IQGAP3: variants seen among roughly 807,000 people sequenced by gnomAD.
The protein encoded by IQGAP3 is ras GTPase-activating-like protein IQGAP3.
IQGAP3 carries 165 observed loss-of-function variants against 208.2 expected under a neutral mutation model. The ratio of observed to expected loss-of-function variants is 0.79; its 90% CI spans 0.70 to 0.90. The LOEUF (loss-of-function observed/expected upper bound fraction) is 0.90, where lower values mean the gene tolerates loss of function less well. Among genes scored for constraint, IQGAP3 ranks in the 40% least tolerant of loss-of-function variants. The pLI is 0.00. For missense variants in IQGAP3, 1,811 were observed against 2,043.1 expected, an observed-to-expected ratio of 0.89 and a Z score of 2.19; for synonymous variants, 703 against 803.6, an observed-to-expected ratio of 0.87 and a Z score of 2.12.
intron 17 of IQGAP3, 29 bp downstream of exon 17, chr1:156,548,552 G>A (rs752555002): frequency 2.8e-5 from 45 of 1,598,228 alleles, no homozygotes; most frequent in Non-Finnish European, 3.4e-5. Context: ...GGCAGGCAGC[G>A]AAGAGGAGGG....
chr1:156,533,324 G>A (rs1674514435), intron 31 of IQGAP3, among the ~76,000 whole-genome samples: 2 of 152,234 alleles, frequency 1.3e-5, no homozygotes, highest in South Asian at 4.2e-4. Flanking sequence ...ATACCCTTGT[G>A]TTACTGGGGC....
intron 11 of IQGAP3, 95 bp downstream of exon 11, chr1:156,560,839 G>A: frequency 1.2e-6 from 1 of 842,782 alleles, no homozygotes; most frequent in Non-Finnish European, 2.0e-6. Context: ...GCAGCAGTGT[G>A]TACTGCCCAA....
In IQGAP3 at chr1:156,555,536, T is replaced by C. The variant is rs931633368; in HGVS notation, c.1290+997A>G. ...CCCCCACACCCAGCCCCCTTCCTAT[T>C]TTCTCCTAACAGAATGTTGTGAATA... On this transcript the variant is annotated intron_variant, in intron 12 of 37. Coordinates refer to ENST00000361170, the MANE Select transcript of IQGAP3 (RefSeq NM_178229.5). Among the ~76,000 whole-genome samples, 3 of 152,266 alleles carry C rather than the reference T, an allele frequency of 2.0e-5. No individual in the cohort carries two copies. In the East Asian group the frequency reaches 5.8e-4, roughly 29 times the overall value.
chr1:156,529,469 C>T (rs1462619235), intron 34 of IQGAP3, among the ~76,000 whole-genome samples: 1 of 152,112 alleles, frequency 6.6e-6, no homozygotes, highest in Non-Finnish European at 1.5e-5. Flanking sequence ...AGAACACCTT[C>T]CTCTCTAACT....
At chr1:156,526,937 A>G (rs1365145938) in intron 37 of IQGAP3, among the ~76,000 whole-genome samples, 1 of 151,678 alleles carries the variant, frequency 6.6e-6, no homozygotes, top group Admixed American at 6.6e-5. Flanking sequence ...GGTTCAAGCG[A>G]TTTTCCTGCT....
rs769667331 is a variant in IQGAP3, at chr1:156,537,244, C to T, written c.3359G>A (p.Arg1120His). Residue 1120 changes from arginine to histidine, a missense_variant, in exon 27 of 38, where the codon CGC becomes CAC. By Grantham distance (29) the Arg-to-His change is conservative. Transcript: ENST00000361170. Reference protein sequence around the residue: ...EVQRRLDIALRNLLAMTDKFL... With the variant: ...EVQRRLDIALHNLLAMTDKFL... ...CTTATCAGTCATGGCGAGGAGGTTG[C>T]GTAGGGCGATGTCCAGTCGTCTCTG... 10 of 1,613,848 alleles carry T rather than the reference C, an allele frequency of 6.2e-6. No homozygotes were observed. The East Asian group carries it at 1.1e-4, about 18-fold the overall frequency.
intron 21 of IQGAP3, 37 bp downstream of exon 21, chr1:156,544,115 T>G (rs768939917): frequency 6.2e-7 from 1 of 1,613,184 alleles, no homozygotes; most frequent in Non-Finnish European, 8.5e-7. Context: ...TGGGCAAAGG[T>G]TGGGTATGTG....
At position 156,572,479 on chromosome 1, in the gene IQGAP3, C is replaced by A. The variant is rs1328940526; in HGVS notation, c.37+14G>T. ...ACCACTGCGAGACCCTTCTCTGACC[C>A]TCTCCGCACTCACAGGCTGCCCAGC... is the stretch of plus-strand genomic sequence containing the variant. On this transcript the variant is annotated intron_variant, in intron 1 of 37. Coordinates refer to ENST00000361170, the MANE Select transcript of IQGAP3 (RefSeq NM_178229.5). 1 of 1,609,612 alleles carries A rather than the reference C, an allele frequency of 6.2e-7. No homozygotes were observed. The highest frequency in any genetic ancestry group is 8.5e-7 in the Non-Finnish European group (1 of 1,179,750).
At chr1:156,533,722 C>T (rs776364880) in intron 31 of IQGAP3, 51 bp downstream of exon 31, 4 of 1,464,252 alleles carry the variant, frequency 2.7e-6, no homozygotes, top group Non-Finnish European at 3.8e-6. Context: ...GCCTGTCCCT[C>T]CCTCCATGCA....
rs1390301793 is a variant in IQGAP3, at chr1:156,547,414, CACACACACACAG to C, written c.2304+647_2304+658del. On this transcript the variant is annotated intron_variant, in intron 19 of 37. Coordinates refer to ENST00000361170, the MANE Select transcript of IQGAP3 (RefSeq NM_178229.5). ...ACACACACACACACACACACACACA[CACACACACACAG>C]ACACACACACATTTTTAGAGACAGG... 2.1e-4 allele frequency among the ~76,000 whole-genome samples: 32 copies of C among 151,796 alleles called. 1 individual carries two copies. Among genetic ancestry groups the C allele is most frequent in the African/African-American group, 7.7e-4 (32 of 41,354 alleles).
At position 156,566,587 on chromosome 1, in the gene IQGAP3, C is replaced by G. The variant is rs751653831; in HGVS notation, c.126-41G>C. 5 of 1,600,302 alleles carry G rather than the reference C, an allele frequency of 3.1e-6. No individual in the cohort carries two copies. In the African/African-American group the frequency reaches 6.7e-5, roughly 21 times the overall value. ...CACCTTCTCACGCACTCTGGCAGAC[C>G]ACAGTGATTTATTCTAACAACAGGA... On this transcript the variant is annotated intron_variant, in intron 2 of 37. Coordinates refer to ENST00000361170, the MANE Select transcript of IQGAP3 (RefSeq NM_178229.5).
At chr1:156,541,253 G>T (rs552892924) in intron 22 of IQGAP3, among the ~76,000 whole-genome samples, 1 of 151,676 alleles carries the variant, frequency 6.6e-6, no homozygotes, top group African/African-American at 2.4e-5. Context: ...GACCTCCCTA[G>T]TCTACCCCAA....
chr1:156,553,298 G>T (rs997085045), intron 13 of IQGAP3, among the ~76,000 whole-genome samples: 1 of 152,180 alleles, frequency 6.6e-6, no homozygotes, highest in Non-Finnish European at 1.5e-5. Context: ...CGGCTACTTG[G>T]TCTTCATCTC....
At chr1:156,567,227 G>T (rs1397134724) in intron 2 of IQGAP3, among the ~76,000 whole-genome samples, 1 of 152,184 alleles carries the variant, frequency 6.6e-6, no homozygotes, top group African/African-American at 2.4e-5. Context: ...ATTCTGGGTT[G>T]TTCTCTGAGA....
At chr1:156,568,897 A>AC (rs990207227) in intron 2 of IQGAP3, among the ~76,000 whole-genome samples, 1 of 10,598 alleles carries the variant, frequency 9.4e-5, no homozygotes, top group Non-Finnish European at 0.013. Flanking sequence ...GATGTACTTC[A>AC]GGAAAATGAC....
In IQGAP3 at chr1:156,543,999, C is replaced by G. The variant is rs766799614; in HGVS notation, c.2512G>C (p.Asp838His). The G allele has an allele frequency of 1.9e-6, 3 of 1,614,168 alleles. No individual in the cohort carries two copies. Among genetic ancestry groups the G allele is most frequent in the Non-Finnish European group, 2.5e-6 (3 of 1,180,016 alleles). Residue 838 changes from aspartate to histidine, a missense_variant, in exon 22 of 38, where the codon GAT becomes CAT. Asp to His is a moderately conservative substitution (Grantham distance 81, BLOSUM62 -1). Transcript: ENST00000361170. ...QAFFRARKAQ[D>H]DYRILVHAPH... Reference sequence around the variant, plus strand: ...AGCTCACCTAATATCCTGTAGTCATCTTGGGCTTTCCTGGCTCGGAAAAAT... The same window carrying G: ...AGCTCACCTAATATCCTGTAGTCATGTTGGGCTTTCCTGGCTCGGAAAAAT...
At chr1:156,527,109 G>A (rs1047724532) in intron 37 of IQGAP3, among the ~76,000 whole-genome samples, 10 of 151,856 alleles carry the variant, frequency 6.6e-5, no homozygotes, top group Non-Finnish European at 5.9e-5. Context: ...GGGATTACAG[G>A]CGTGAGCCAC....
intron 2 of IQGAP3, among the ~76,000 whole-genome samples, chr1:156,568,765 A>T (rs2102449575): frequency 6.6e-6 from 1 of 152,228 alleles, no homozygotes; most frequent in East Asian, 1.9e-4. Context: ...TAATTAAGCC[A>T]ACATTCATTT....
chr1:156,565,158 AAGTGTC>A (rs1676346466), intron 4 of IQGAP3, among the ~76,000 whole-genome samples: 1 of 152,182 alleles, frequency 6.6e-6, no homozygotes, highest in Non-Finnish European at 1.5e-5. Context: ...AGGACCACAA[AAGTGTC>A]AGGCTGTTAT....
Sources: allele counts gnomAD v4.1 joint callset (sites outside exome capture counted in the v4.1 genomes callset), GRCh38; gene constraint gnomAD v4.1.1; transcripts MANE v1.5; gene names NCBI Gene and HGNC (gene_info 2026-07-23, HGNC 2026-07-21).